The following RXYLT1 variants were observed in gnomAD, a reference collection of about 807,000 sequenced individuals.
RXYLT1 encodes ribitol xylosyltransferase 1.
In RXYLT1, 41 loss-of-function variants were observed where a neutral mutation model predicts 43.5. That is an observed-to-expected ratio of 0.94 (90% CI 0.73 to 1.22). RXYLT1 has a LOEUF of 1.22. Among genes scored for constraint, RXYLT1 ranks in the 50% most tolerant of loss-of-function variants. The pLI is 0.00. For missense variants in RXYLT1, 514 were observed against 532.0 expected (o/e 0.97, Z 0.33); for synonymous variants, 166 against 194.4 (o/e 0.85, Z 1.21).
At position 63,802,257 on chromosome 12, in the gene RXYLT1, GT is replaced by G; in HGVS notation, c.599del (p.Leu200CysfsTer12). Reference protein sequence around the residue: ...QIQKLQHLAVVLLGNEHCDNE... With the variant: ...QIQKLQHLAVXLLGNEHCDNE... The stretch of plus-strand genomic sequence containing the variant: ...TCAAAAACTCCAGCATCTTGCTGTT[GT>G]TTTGCTCGGAAATGAACATTGTGAT... On this transcript the variant is annotated frameshift_variant, in exon 4 of 6. Coordinates refer to ENST00000261234, the MANE Select transcript of RXYLT1 (RefSeq NM_014254.3). LOFTEE classifies it high-confidence loss of function. 1 of 1,614,076 alleles carries G rather than the reference GT, an allele frequency of 6.2e-7. No homozygotes were observed. Among genetic ancestry groups the G allele is most frequent in the Non-Finnish European group, 8.5e-7 (1 of 1,180,006 alleles).
At chr12:63,791,732 T>C (rs182902838) in intron 3 of RXYLT1, among the ~76,000 whole-genome samples, 12 of 152,366 alleles carry the variant, frequency 7.9e-5, no homozygotes, top group Non-Finnish European at 1.3e-4. Flanking sequence ...TGATGGCCCA[T>C]GCTTATAAAG....
At chr12:63,800,752 T>A (rs1898140949) in intron 3 of RXYLT1, among the ~76,000 whole-genome samples, 1 of 151,938 alleles carries the variant, frequency 6.6e-6, no homozygotes, top group Non-Finnish European at 1.5e-5. Context: ...AAAAACCCTG[T>A]CTCTACTAAA....
intron 3 of RXYLT1, among the ~76,000 whole-genome samples, chr12:63,796,680 A>G (rs1053689202): frequency 1.3e-5 from 2 of 152,240 alleles, no homozygotes; most frequent in African/African-American, 4.8e-5. Flanking sequence ...TCATTTGAAT[A>G]TGATGAATTA....
chr12:63,801,942 C>T, intron 3 of RXYLT1, 149 bp from the exon 4 acceptor site: 3 of 722,728 alleles, frequency 4.2e-6, no homozygotes, highest in Non-Finnish European at 6.5e-6. Flanking sequence ...CAAACTTGTT[C>T]AAAAGATTGT....
rs560447389 is a variant in RXYLT1 at position 63,784,276 on chromosome 12, G to A, written c.326-694G>A. ...TTCCTTTAGTACCAGGGTACAATGA[G>A]AATGGAACAAAAACCTCTTTGAGTG... is the stretch of plus-strand genomic sequence containing the variant. On this transcript the variant is annotated intron_variant, in intron 2 of 5. Coordinates refer to ENST00000261234, the MANE Select transcript of RXYLT1 (RefSeq NM_014254.3). Among the ~76,000 whole-genome samples the A allele has an allele frequency of 2.3e-4, 35 of 152,226 alleles. No individual in the cohort carries two copies. In the South Asian group the frequency reaches 6.6e-3, roughly 29 times the overall value.
At chr12:63,790,703 C>G (rs2136225122) in intron 3 of RXYLT1, 1 of 152,322 alleles carries the variant, frequency 6.6e-6, no homozygotes, top group East Asian at 1.9e-4. Flanking sequence ...ACCTCATGAT[C>G]CACCTGCCTT....
chr12:63,780,123 G>A lies in RXYLT1; in HGVS notation c.163G>A (p.Gly55Ser). The change falls in exon 1 of 6, where the codon GGC (glycine) becomes AGC (serine). Residue 55 changes from glycine (G) to serine (S), a missense_variant. Transcript: ENST00000261234. ...GGCGGCCCCCGCGCGGGAGAGACGCGGCCGAGGTAGGACTGGGTCGGCGGC... is the reference window on the plus strand; with the variant it reads ...GGCGGCCCCCGCGCGGGAGAGACGCAGCCGAGGTAGGACTGGGTCGGCGGC... ...KGAAPARERR[G>S]REQSTLESEE... is the part of the protein sequence containing the mutation. 6.6e-7 allele frequency: 1 copy of A among 1,516,552 alleles called. No homozygotes were observed. The highest frequency in any genetic ancestry group is 1.4e-5 in the African/African-American group (1 of 70,808). The allele number at this position is 1,516,552 out of a possible 1,614,324, so 93.9% of individuals were successfully genotyped here. A position where few individuals can be genotyped will look rare whatever the true frequency, so the allele number is the denominator to read the frequency against.
In RXYLT1 at chr12:63,809,016, A is replaced by G; in HGVS notation, c.1256A>G (p.Gln419Arg). 1 of 1,608,506 alleles carries G rather than the reference A, an allele frequency of 6.2e-7. No homozygotes were observed. Among genetic ancestry groups the G allele is most frequent in the Non-Finnish European group, 8.5e-7 (1 of 1,176,720 alleles). ...ERRKMLLQWY[Q>R]HFKTELKMKF... is the part of the protein sequence containing the mutation. The stretch of plus-strand genomic sequence containing the variant: ...AGAAAAATGTTACTTCAGTGGTATC[A>G]GCACTTCAAGACAGAGCTTAAAATG... The change falls in exon 6 of 6, where the codon CAG (glutamine) becomes CGG (arginine). Residue 419 changes from glutamine to arginine, a missense_variant. Physicochemically the swap from Gln to Arg is conservative, Grantham distance 43 (BLOSUM62 1). Coordinates refer to ENST00000261234, the MANE Select transcript of RXYLT1 (RefSeq NM_014254.3).
chr12:63,787,092 C>T (rs574450795), intron 3 of RXYLT1, among the ~76,000 whole-genome samples: 51 of 151,860 alleles, frequency 3.4e-4, no homozygotes, highest in African/African-American at 1.1e-3. Context: ...CAACCCCGGG[C>T]GACAGAATGA....
At chr12:63,805,160 C>A in intron 4 of RXYLT1, 74 bp from the exon 5 acceptor site, 1 of 1,190,690 alleles carries the variant, frequency 8.4e-7, no homozygotes. Flanking sequence ...TTCTTGCTAC[C>A]TAAGAGATTG....
Position 63,802,397 on chromosome 12 carries a change from A to T in RXYLT1, c.735A>T (p.Gly245=), listed in dbSNP as rs1375403823. 1 of 1,572,340 alleles carries T rather than the reference A, an allele frequency of 6.4e-7. No individual in the cohort carries two copies. Among genetic ancestry groups the T allele is most frequent in the Admixed American group, 1.9e-5 (1 of 53,088 alleles). ...TGGATGTTTTTCAGTGGCCTTTAGG[A>T]GTAGCAACGTAAGTACAAAATATGA... The part of the protein sequence containing the change: ...NDVDVFQWPL[G]VATYRNFPVV... Residue 245 remains glycine, a synonymous_variant, in exon 4 of 6, where the codon GGA becomes GGT. Transcript: ENST00000261234.
chr12:63,806,032 G>A (rs1898284294), intron 5 of RXYLT1: 1 of 152,164 alleles, frequency 6.6e-6, no homozygotes, highest in Non-Finnish European at 1.5e-5. Context: ...GACAAATCAA[G>A]TTTTCAAATA....
At chr12:63,803,774 A>G (rs1324225226) in intron 4 of RXYLT1, 18 of 151,124 alleles carry the variant, frequency 1.2e-4, no homozygotes, top group Admixed American at 1.2e-3. Flanking sequence ...CTAGGCCAGT[A>G]TATTTCTTAT....
intron 2 of RXYLT1, among the ~76,000 whole-genome samples, chr12:63,782,149 C>CT (rs886465425): frequency 4.3e-4 from 64 of 148,446 alleles, no homozygotes; most frequent in African/African-American, 5.9e-4. Context: ...CAAATGCTAC[C>CT]TTTTTTTTTT....
intron 3 of RXYLT1, among the ~76,000 whole-genome samples, chr12:63,798,943 A>G (rs1192828366): frequency 5.3e-5 from 8 of 152,206 alleles, no homozygotes; most frequent in African/African-American, 1.9e-4. Context: ...ATAGATACTT[A>G]TTAGGTTGTT....
chr12:63,796,841 ATT>A (rs1208002355), intron 3 of RXYLT1, among the ~76,000 whole-genome samples: 1 of 152,076 alleles, frequency 6.6e-6, no homozygotes, highest in African/African-American at 2.4e-5. Context: ...TTGACCATTC[ATT>A]AGGAAAAAAG....
chr12:63,802,537 A>AT, intron 4 of RXYLT1, 132 bp downstream of exon 4: 2 of 766,062 alleles, frequency 2.6e-6, no homozygotes, highest in Non-Finnish European at 1.9e-6. Flanking sequence ...TTTCTCAGAG[A>AT]TAAAAACAGG....
chr12:63,797,049 C>T (rs368672417), intron 3 of RXYLT1, among the ~76,000 whole-genome samples: 63 of 151,058 alleles, frequency 4.2e-4, no homozygotes, highest in Non-Finnish European at 3.4e-4. Flanking sequence ...CTGCAACCTC[C>T]ACCTCCTAGG....
intron 2 of RXYLT1, chr12:63,782,844 A>G (rs1036255911): frequency 4.9e-6 from 1 of 203,372 alleles, no homozygotes; most frequent in Non-Finnish European, 1.0e-5. Context: ...TCAGGCAGCA[A>G]ATCTAATTTT....
Sources: allele counts gnomAD v4.1 joint callset (sites outside exome capture counted in the v4.1 genomes callset), GRCh38; gene constraint gnomAD v4.1.1; transcripts MANE v1.5; gene names NCBI Gene and HGNC (gene_info 2026-07-23, HGNC 2026-07-21).